NCAM2: variants seen among roughly 807,000 people sequenced by gnomAD.
The protein encoded by NCAM2 is N-CAM-2.
In NCAM2, 30 loss-of-function variants were observed where a neutral mutation model predicts 98.1. The ratio of observed to expected loss-of-function variants is 0.31; its 90% CI spans 0.23 to 0.41. The LOEUF (loss-of-function observed/expected upper bound fraction) is 0.41, where lower values mean the gene tolerates loss of function less well. Ranked by LOEUF, NCAM2 falls within the 10% of genes least tolerant of loss-of-function variation. The pLI, the probability that NCAM2 is intolerant of heterozygous loss-of-function variation, is 1.00. For synonymous variants in NCAM2, 368 were observed against 342.4 expected (o/e 1.07, Z -0.83); for missense variants, 867 against 1,005.8 (o/e 0.86, Z 1.87).
rs1400475848 is a variant in NCAM2, at chr21:21,226,895, A to G, written c.56-53683A>G. 3.9e-5 allele frequency: 6 copies of G among 152,140 alleles called. No homozygotes were observed. In the East Asian group the frequency reaches 1.2e-3, roughly 29 times the overall value. The allele number at this position is 152,140 out of a possible 1,614,324, so 9.4% of individuals were successfully genotyped here. On this transcript the variant is annotated intron_variant, in intron 1 of 17. Coordinates refer to ENST00000400546, the MANE Select transcript of NCAM2 (RefSeq NM_004540.5). ...TTAATACATTTGACCACCTTCATAG[A>G]TCAAAGGAGGAAAAATATACATATG... is the stretch of plus-strand genomic sequence containing the variant.
Position 21,156,616 on chromosome 21 carries a change from A to ATAGG in NCAM2, c.56-123960_56-123959insGGTA, listed in dbSNP as rs1173900394. On this transcript the variant is annotated intron_variant, in intron 1 of 17. Coordinates refer to ENST00000400546, the MANE Select transcript of NCAM2 (RefSeq NM_004540.5). Reference sequence around the variant, plus strand: ...GATAGATAGATAGATAGATAGATAGATAATTGTAGATATAGCTTTAGTTAT... The same window carrying ATAGG: ...GATAGATAGATAGATAGATAGATAGATAGGTAATTGTAGATATAGCTTTAGTTAT... 1.9e-3 allele frequency among the ~76,000 whole-genome samples: 281 copies of ATAGG among 151,668 alleles called. 3 individuals carry two copies. Among genetic ancestry groups the ATAGG allele is most frequent in the Middle Eastern group, 6.8e-3 (2 of 292 alleles).
At chr21:21,267,235 A>G (rs1213842264) in intron 1 of NCAM2, among the ~76,000 whole-genome samples, 1 of 152,196 alleles carries the variant, frequency 6.6e-6, no homozygotes, top group Non-Finnish European at 1.5e-5. Context: ...GCATTGATTG[A>G]GAAACTTGGT....
intron 5 of NCAM2, among the ~76,000 whole-genome samples, chr21:21,300,144 T>C (rs1007626511): frequency 3.5e-5 from 4 of 115,480 alleles, no homozygotes; most frequent in Non-Finnish European, 5.6e-5. Context: ...TGTATAGTCA[T>C]GTAAATGCCC....
At chr21:21,343,304 C>G (rs1307319618) in intron 8 of NCAM2, among the ~76,000 whole-genome samples, 1 of 151,172 alleles carries the variant, frequency 6.6e-6, no homozygotes, top group African/African-American at 2.4e-5. Flanking sequence ...GAAGGCTCCA[C>G]CAATTGTCTC....
chr21:21,388,176 T>TA (rs1338958364), intron 9 of NCAM2, among the ~76,000 whole-genome samples: 1 of 152,180 alleles, frequency 6.6e-6, no homozygotes, highest in Non-Finnish European at 1.5e-5. Context: ...AAGACATATT[T>TA]AAAGTGTTTG....
intron 5 of NCAM2, among the ~76,000 whole-genome samples, chr21:21,314,675 T>C (rs1454810200): frequency 6.6e-6 from 1 of 152,190 alleles, no homozygotes; most frequent in Non-Finnish European, 1.5e-5. Context: ...TGTTTCCTTT[T>C]GTTTTCAAAA....
In NCAM2 at chr21:21,418,690, T is replaced by G. The variant is rs183220978; in HGVS notation, c.1480+121T>G. 187 of 769,290 alleles carry G rather than the reference T, an allele frequency of 2.4e-4. 1 individual carries two copies. The East Asian group carries it at 4.6e-3, about 19-fold the overall frequency. The allele number at this position is 769,290 out of a possible 1,614,324, so 47.7% of individuals were successfully genotyped here. On this transcript the variant is annotated intron_variant, in intron 11 of 17. Transcript: ENST00000400546. The stretch of plus-strand genomic sequence containing the variant: ...TTTAAAACAATGGATCTCTTGGAGA[T>G]ATCAGGTAGACTGTGGTTACCAGAG...
intron 1 of NCAM2, among the ~76,000 whole-genome samples, chr21:21,066,415 T>TACAC (rs769061304): frequency 6.7e-6 from 1 of 149,144 alleles, no homozygotes; most frequent in East Asian, 2.1e-4. Flanking sequence ...TTTTATAACA[T>TACAC]ATACACACAC....
chr21:21,099,729 C>A (rs569129893), intron 1 of NCAM2, among the ~76,000 whole-genome samples: 1 of 151,914 alleles, frequency 6.6e-6, no homozygotes, highest in East Asian at 1.9e-4. Flanking sequence ...TTAGCTTTAG[C>A]TAGTTTCCAA....
intron 11 of NCAM2, among the ~76,000 whole-genome samples, chr21:21,426,498 G>A (rs529581009): frequency 4.6e-5 from 7 of 152,256 alleles, no homozygotes; most frequent in Non-Finnish European, 1.0e-4. Context: ...GCAGAGAAAA[G>A]ACCAAAGACA....
intron 5 of NCAM2, among the ~76,000 whole-genome samples, chr21:21,309,696 A>G (rs145570496): frequency 2.0e-4 from 30 of 152,268 alleles, no homozygotes; most frequent in South Asian, 4.1e-4. Context: ...CCTGTGAACT[A>G]TAGCCAATAT....
chr21:21,145,311 T>A (rs1269469312), intron 1 of NCAM2, among the ~76,000 whole-genome samples: 1 of 152,184 alleles, frequency 6.6e-6, no homozygotes, highest in Non-Finnish European at 1.5e-5. Context: ...TTACTTGCTT[T>A]TGATTATGCA....
chr21:21,163,951 C>A (rs1467999764), intron 1 of NCAM2, among the ~76,000 whole-genome samples: 1 of 152,016 alleles, frequency 6.6e-6, no homozygotes, highest in Non-Finnish European at 1.5e-5. Context: ...TTCTCCTGGC[C>A]CAGTCTGTCT....
chr21:21,512,479 TG>T (rs1988450484), intron 16 of NCAM2, among the ~76,000 whole-genome samples: 1 of 152,100 alleles, frequency 6.6e-6, no homozygotes, highest in Admixed American at 6.6e-5. Context: ...CATGCTTTTT[TG>T]TTTATTATAC....
At chr21:21,454,111 G>T (rs1383629304) in intron 12 of NCAM2, among the ~76,000 whole-genome samples, 1 of 151,786 alleles carries the variant, frequency 6.6e-6, no homozygotes, top group African/African-American at 2.4e-5. Flanking sequence ...TATATATATA[G>T]ACACACACAG....
chr21:21,241,844 T>G (rs926096255), intron 1 of NCAM2, among the ~76,000 whole-genome samples: 1 of 152,186 alleles, frequency 6.6e-6, no homozygotes, highest in African/African-American at 2.4e-5. Flanking sequence ...TCAAAAACTG[T>G]CATTATTTGG....
At chr21:21,343,951 A>T (rs56192400) in intron 8 of NCAM2, among the ~76,000 whole-genome samples, 5 of 152,084 alleles carry the variant, frequency 3.3e-5, no homozygotes, top group African/African-American at 4.8e-5. Flanking sequence ...TCCCTCCCCT[A>T]ACCCCAGCCT....
intron 1 of NCAM2, chr21:21,226,659 T>A (rs1394721478): frequency 6.6e-6 from 1 of 152,106 alleles, no homozygotes; most frequent in Non-Finnish European, 1.5e-5. Flanking sequence ...TTGAACTGTC[T>A]GAAGATGTCT....
chr21:21,504,241 T>G (rs976831855), intron 15 of NCAM2, among the ~76,000 whole-genome samples: 9 of 152,072 alleles, frequency 5.9e-5, no homozygotes, highest in Admixed American at 2.0e-4. Flanking sequence ...GGGGTTAGTA[T>G]GTGACTTAGG....
Sources: gnomAD v4.1 joint callset for allele counts (sites outside exome capture counted in the v4.1 genomes callset) on GRCh38, gnomAD v4.1.1 for gene constraint, MANE v1.5 for transcripts, NCBI Gene and HGNC (gene_info 2026-07-23, HGNC 2026-07-21) for gene names.